The following PKD1 variants were observed in gnomAD, a reference collection of about 807,000 sequenced individuals.
PKD1 encodes the protein polycystin 1, transient receptor potential channel interacting, also known as polycystin-1.
PKD1 carries 81 observed loss-of-function variants against 361.7 expected under a neutral mutation model. The ratio of observed to expected loss-of-function variants is 0.22; its 90% CI spans 0.19 to 0.27. The LOEUF (loss-of-function observed/expected upper bound fraction) is 0.27. PKD1 is among the 10% of genes least tolerant of loss of function. PKD1 has a pLI of 1.00. For synonymous variants in PKD1, 3,615 were observed against 2,818.3 expected (o/e 1.28, Z -8.95); for missense variants, 6,399 against 6,118.3 (o/e 1.05, Z -1.53).
At position 2,114,450 on chromosome 16, in the gene PKD1, G is replaced by A. The variant is rs376547925; in HGVS notation, c.2573C>T (p.Thr858Met). Residue 858 changes from threonine to methionine, a missense_variant, in exon 11 of 46, where the codon ACG becomes ATG. Transcript: ENST00000262304. ...QVDSGANATATARWPGGSVSA... is the reference protein window; with the variant it reads ...QVDSGANATAMARWPGGSVSA... ...GACACTGCCCCCAGGCCAGCGAGCC[G>A]TGGCCGTGGCGTTGGCACCAGAGTC... is the stretch of plus-strand genomic sequence containing the variant. 61 of 1,598,460 alleles carry A rather than the reference G, an allele frequency of 3.8e-5. No individual in the cohort carries two copies. Among genetic ancestry groups the A allele is most frequent in the East Asian group, 1.1e-4 (5 of 44,882 alleles).
chr16:2,126,870 C>G (rs1401529475), intron 1 of PKD1, among the ~76,000 whole-genome samples: 19 of 152,320 alleles, frequency 1.2e-4, no homozygotes, highest in Admixed American at 6.5e-4. Context: ...GCAGAACCAC[C>G]CCATACCCTA....
At position 2,108,983 on chromosome 16, in the gene PKD1, G is replaced by A. The variant is rs750843149; in HGVS notation, c.6184C>T (p.Gln2062Ter). 6.2e-7 allele frequency: 1 copy of A among 1,610,218 alleles called. No individual in the cohort carries two copies. The highest frequency in any genetic ancestry group is 1.1e-5 in the South Asian group (1 of 90,962). ...GGGCCGCTCTGCAGGGCCACATACT[G>A]GACGGCGTCCTGAACCTCCAGCACC... ...TLVLEVQDAV[Q>*]YVALQSGPCF... is the part of the protein sequence containing the mutation. Residue 2062 changes from glutamine to a stop codon, truncating the protein, a stop_gained, in exon 15 of 46, where the codon CAG becomes TAG. Coordinates refer to ENST00000262304, the MANE Select transcript of PKD1 (RefSeq NM_001009944.3). LOFTEE classifies it high-confidence loss of function.
chr16:2,112,108 C>T (rs1359605581), intron 14 of PKD1, among the ~76,000 whole-genome samples: 1 of 152,238 alleles, frequency 6.6e-6, no homozygotes, highest in Non-Finnish European at 1.5e-5. Context: ...AGCAGAGCAG[C>T]AAGAGCCAGG....
At position 2,135,584 on chromosome 16, in the gene PKD1, G is replaced by C. The variant is rs2092941107; in HGVS notation, c.106C>G (p.Pro36Ala). 1 of 1,056,108 alleles carries C rather than the reference G, an allele frequency of 9.5e-7. No individual in the cohort carries two copies. The allele number at this position is 1,056,108 out of a possible 1,614,324, so 65.4% of individuals were successfully genotyped here. The part of the protein sequence containing the change: ...PGRGCGPCEP[P>A]CLCGPAPGAA... The stretch of plus-strand genomic sequence containing the variant: ...CCGGGCGCTGGGCCGCAGAGGCAGG[G>C]GGGCTCGCAGGGCCCGCAGCCGCGC... Residue 36 changes from proline (P) to alanine (A), a missense_variant, in exon 1 of 46, where the codon CCC becomes GCC. Coordinates refer to ENST00000262304, the MANE Select transcript of PKD1 (RefSeq NM_001009944.3).
At chr16:2,095,712 C>T (rs1196922276) in intron 34 of PKD1, among the ~76,000 whole-genome samples, 3 of 152,208 alleles carry the variant, frequency 2.0e-5, no homozygotes, top group Non-Finnish European at 4.4e-5. Flanking sequence ...CTGGTCAGCC[C>T]GAAGCACTGT....
At chr16:2,112,237 G>T in intron 14 of PKD1, 103 bp downstream of exon 14, 2 of 1,006,346 alleles carry the variant, frequency 2.0e-6, no homozygotes, top group Non-Finnish European at 3.0e-6. Flanking sequence ...AGGTCACAGT[G>T]AGGGCTGTTG....
chr16:2,116,841 T>C lies in PKD1; in HGVS notation c.1598A>G (p.Gln533Arg), dbSNP rs2855342. ...SAPHSYVCEL[Q>R]PGGPVQDAEN... ...CCTGGCCCCCCGCACACCTCCGGGC[T>C]GCAGCTCGCAGACGTAGCTGTGCGG... is the stretch of plus-strand genomic sequence containing the variant. The change falls in exon 7 of 46, where the codon CAG becomes CGG. Residue 533 changes from glutamine to arginine, a missense_variant. Physicochemically the swap from Gln to Arg is conservative, Grantham distance 43 (BLOSUM62 1). Transcript: ENST00000262304. 7.8e-6 allele frequency: 12 copies of C among 1,528,868 alleles called. No homozygotes were observed. The Admixed American group carries it at 1.8e-4, about 22-fold the overall frequency. 94.7% of individuals were successfully genotyped at this position (1,528,868 alleles called of 1,614,324 possible).
At position 2,118,972 on chromosome 16, in the gene PKD1, C is replaced by G; in HGVS notation, c.360-127G>C. ...CTCCCCTGCCCCAACCAAGCCGGCA[C>G]TGGGGGGCTCCAAGCAGGCAGTGAA... On this transcript the variant is annotated intron_variant, in intron 3 of 45. Coordinates refer to ENST00000262304, the MANE Select transcript of PKD1 (RefSeq NM_001009944.3). The surrounding 1 kb of genome is among the most constrained non-coding windows in gnomAD (Gnocchi z 6.0). 2.4e-6 allele frequency: 2 copies of G among 845,418 alleles called. No individual in the cohort carries two copies. The highest frequency in any genetic ancestry group is 3.8e-6 in the Non-Finnish European group (2 of 522,368). The allele number at this position is 845,418 out of a possible 1,614,324, so 52.4% of individuals were successfully genotyped here. A position where few individuals can be genotyped will look rare whatever the true frequency, so the allele number is the denominator to read the frequency against.
At chr16:2,093,323 G>A in intron 37 of PKD1, 1 of 677,184 alleles carries the variant, frequency 1.5e-6, no homozygotes, top group Non-Finnish European at 2.5e-6. Flanking sequence ...GGGCCTTCAG[G>A]GCCAGGCAGG....
Position 2,108,447 on chromosome 16 carries a change from T to C in PKD1, c.6720A>G (p.Pro2240=). Reference sequence around the variant, plus strand: ...CATTGGCCTGGATGCTCTGTGTCAGTGGCGTGTCCCCAAATGACACGACAA... The same window carrying C: ...CATTGGCCTGGATGCTCTGTGTCAGCGGCGTGTCCCCAAATGACACGACAA... The part of the protein sequence containing the change: ...FVFVVSFGDT[P]LTQSIQANVT... The change falls in exon 15 of 46, where the codon CCA becomes CCG. Residue 2240 remains proline, a synonymous_variant. Transcript: ENST00000262304. The C allele has an allele frequency of 6.2e-7, 1 of 1,610,486 alleles. No homozygotes were observed. Among genetic ancestry groups the C allele is most frequent in the Non-Finnish European group, 8.5e-7 (1 of 1,179,720 alleles).
Position 2,108,559 on chromosome 16 carries a change from C to A in PKD1, c.6608G>T (p.Arg2203Leu), listed in dbSNP as rs765511448. 36 of 1,586,898 alleles carry A rather than the reference C, an allele frequency of 2.3e-5. No homozygotes were observed. Among genetic ancestry groups the A allele is most frequent in the Non-Finnish European group, 3.0e-5 (35 of 1,167,410 alleles). The change falls in exon 15 of 46, where the codon CGT (arginine) becomes CTT (leucine). Residue 2203 changes from arginine (R) to leucine (L), a missense_variant. By Grantham distance (102) the Arg-to-Leu change is moderately radical. Transcript: ENST00000262304. The part of the protein sequence containing the change: ...ASCQRPGRPA[R>L]VALPGVDVSR... ...CACGTCCACGCCGGGCAGGGCCACACGCGCTGGGCGCCCCGGCCGCTGGCA... is the reference window on the plus strand; with the variant it reads ...CACGTCCACGCCGGGCAGGGCCACAAGCGCTGGGCGCCCCGGCCGCTGGCA...
Position 2,102,910 on chromosome 16 carries a change from C to T in PKD1, c.8852G>A (p.Arg2951Gln), listed in dbSNP as rs555635571. ...AGCCGAGCAGTTGTGCTCATTGGGC[C>T]GGGGCTCCGAGTGTAGGTAGACTGC... ...YLAVYLHSEP[R>Q]PNEHNCSASR... Residue 2951 changes from arginine to glutamine, a missense_variant, in exon 24 of 46, where the codon CGG (arginine) becomes CAG (glutamine). Coordinates refer to ENST00000262304, the MANE Select transcript of PKD1 (RefSeq NM_001009944.3). The T allele has an allele frequency of 5.3e-5, 85 of 1,609,656 alleles. No homozygotes were observed. The highest frequency in any genetic ancestry group is 1.8e-4 in the South Asian group (16 of 90,990).
rs373770582 is a variant in PKD1 at position 2,115,882 on chromosome 16, A to C, written c.1849+110T>G. ...CTGGAACCCCTGCTCTGTCCACCTA[A>C]GACTGGGAACCACTCTGGTGGCCAC... On this transcript the variant is annotated intron_variant, in intron 9 of 45. Transcript: ENST00000262304. 54 of 1,283,352 alleles carry C rather than the reference A, an allele frequency of 4.2e-5. 1 individual carries two copies. The South Asian group carries it at 5.9e-4, about 14-fold the overall frequency. The allele number at this position is 1,283,352 out of a possible 1,614,324, so 79.5% of individuals were successfully genotyped here. A position where few individuals can be genotyped will look rare whatever the true frequency, so the allele number is the denominator to read the frequency against.
Position 2,090,784 on chromosome 16 carries a change from G to A in PKD1, c.12028C>T (p.Arg4010Cys), listed in dbSNP as rs1469766403. 6.2e-7 allele frequency: 1 copy of A among 1,612,590 alleles called. No homozygotes were observed. The highest frequency in any genetic ancestry group is 8.5e-7 in the Non-Finnish European group (1 of 1,179,962). Reference sequence around the variant, plus strand: ...GTCTTGCCAAAGACGGACCACTGGCGCACGAAGCGTAGCTGCTGGGCAGCC... The same window carrying A: ...GTCTTGCCAAAGACGGACCACTGGCACACGAAGCGTAGCTGCTGGGCAGCC... ...VKAAQQLRFV[R>C]QWSVFGKTLC... Residue 4010 changes from arginine to cysteine, a missense_variant, in exon 44 of 46, where the codon CGC becomes TGC. Coordinates refer to ENST00000262304, the MANE Select transcript of PKD1 (RefSeq NM_001009944.3).
intron 1 of PKD1, among the ~76,000 whole-genome samples, chr16:2,121,226 G>A (rs535992811): frequency 1.3e-5 from 2 of 151,024 alleles, no homozygotes; most frequent in Admixed American, 6.6e-5. Context: ...TTAGTCGGGC[G>A]TGGTGGCAAG....
rs2151725613 is a variant in PKD1 at position 2,097,178 on chromosome 16, G to A, written c.10469C>T (p.Thr3490Ile). 6.4e-7 allele frequency: 1 copy of A among 1,556,936 alleles called. No homozygotes were observed. The highest frequency in any genetic ancestry group is 8.7e-7 in the Non-Finnish European group (1 of 1,150,322). ...GVSSPAPTQD[T>I]HMETDLLSSL... ...GCTGAGCAGGTCCGTTTCCATGTGG[G>A]TGTCTTGGGTAGGGGCTGGGCTGCT... is the stretch of plus-strand genomic sequence containing the variant. The change falls in exon 34 of 46, where the codon ACC becomes ATC. Residue 3490 changes from threonine (T) to isoleucine (I), a missense_variant. Thr to Ile is a moderately conservative substitution (Grantham distance 89). Transcript: ENST00000262304.
rs1350256509 is a variant in PKD1, at chr16:2,094,196, C to T, written c.10514G>A (p.Gly3505Glu). 2 of 1,600,934 alleles carry T rather than the reference C, an allele frequency of 1.2e-6. No individual in the cohort carries two copies. The highest frequency in any genetic ancestry group is 2.2e-5 in the South Asian group (2 of 90,162). ...DLLSSLSSTP[G>E]EKTETLALQR... ...CAGCGCCAGCGTCTCTGTCTTCTCC[C>T]CAGGAGTGCTGGACCTGAGGGACAT... Residue 3505 changes from glycine to glutamate, a missense_variant, in exon 35 of 46, where the codon GGG becomes GAG. Physicochemically the swap from Gly to Glu is moderately conservative, Grantham distance 98 (BLOSUM62 -2). Transcript: ENST00000262304.
intron 3 of PKD1, 105 bp downstream of exon 3, chr16:2,119,009 A>T (rs1452178886): frequency 7.7e-6 from 7 of 911,612 alleles, no homozygotes; most frequent in Non-Finnish European, 1.2e-5. Flanking sequence ...TGCCCCCAGG[A>T]TCTGGTCTCA....
At chr16:2,112,545 G>A in intron 13 of PKD1, 72 bp from the exon 14 acceptor site, 5 of 1,397,428 alleles carry the variant, frequency 3.6e-6, no homozygotes, top group Non-Finnish European at 4.9e-6. Context: ...GGGTGCTTGG[G>A]ACCCAGCCGA....
Sources: gnomAD v4.1 joint callset for allele counts (sites outside exome capture counted in the v4.1 genomes callset) on GRCh38, gnomAD v4.1.1 for gene constraint, Gnocchi (gnomAD v3.1) non-coding constraint, MANE v1.5 for transcripts, NCBI Gene and HGNC (gene_info 2026-07-23, HGNC 2026-07-21) for gene names.